The following GDAP1 variants were observed in gnomAD, a reference collection of about 807,000 sequenced individuals.
The protein encoded by GDAP1 is ganglioside-induced differentiation-associated protein 1.
GDAP1 carries 34 observed loss-of-function variants against 40.1 expected under a neutral mutation model. That is an observed-to-expected ratio of 0.85 (90% CI 0.64 to 1.13). GDAP1 has a LOEUF of 1.13. Among genes scored for constraint, GDAP1 ranks in the 50% most tolerant of loss-of-function variants. GDAP1 has a pLI of 0.00. For synonymous variants in GDAP1, 170 were observed against 157.4 expected, an observed-to-expected ratio of 1.08 and a Z score of -0.60; for missense variants, 374 against 433.7, an observed-to-expected ratio of 0.86 and a Z score of 1.22.
At chr8:74,433,036 A>C (rs1036452198) in intron 2 of GDAP1, among the ~76,000 whole-genome samples, 1 of 152,018 alleles carries the variant, frequency 6.6e-6, no homozygotes, top group Non-Finnish European at 1.5e-5. Flanking sequence ...TCTTCAGTAA[A>C]CTCAGCTTTC....
intron 2 of GDAP1, among the ~76,000 whole-genome samples, chr8:74,461,612 T>C (rs559346268): frequency 1.6e-4 from 24 of 152,194 alleles, no homozygotes; most frequent in Non-Finnish European, 3.2e-4. Flanking sequence ...TTTGGCATCA[T>C]CCAGACTAAA....
chr8:74,487,663 A>G (rs1563482869), intron 2 of GDAP1, among the ~76,000 whole-genome samples: 1 of 152,166 alleles, frequency 6.6e-6, no homozygotes, highest in Non-Finnish European at 1.5e-5. Flanking sequence ...CTGGAAAGTA[A>G]TGTAGATATG....
chr8:74,475,485 T>G (rs1054289739), intron 2 of GDAP1, among the ~76,000 whole-genome samples: 24 of 152,198 alleles, frequency 1.6e-4, no homozygotes, highest in Non-Finnish European at 1.5e-5. Flanking sequence ...ATATTGTATC[T>G]TTGTTCTCAT....
chr8:74,382,580 C>T (rs1809971060), intron 2 of GDAP1, among the ~76,000 whole-genome samples: 2 of 152,166 alleles, frequency 1.3e-5, no homozygotes, highest in South Asian at 2.1e-4. Context: ...CTGAATTTAT[C>T]ATCCTTTTTT....
At chr8:74,406,801 C>G (rs190278118) in intron 2 of GDAP1, among the ~76,000 whole-genome samples, 6 of 149,780 alleles carry the variant, frequency 4.0e-5, no homozygotes, top group Admixed American at 3.3e-4. Flanking sequence ...AATAATTGTT[C>G]AGGCTGGTAC....
intron 2 of GDAP1, among the ~76,000 whole-genome samples, chr8:74,431,940 A>G (rs986948420): frequency 6.6e-6 from 1 of 152,306 alleles, no homozygotes; most frequent in East Asian, 1.9e-4. Flanking sequence ...TCATAGTATT[A>G]TTACCTCATA....
chr8:74,463,709 T>C (rs947216516), intron 2 of GDAP1, among the ~76,000 whole-genome samples: 1 of 152,184 alleles, frequency 6.6e-6, no homozygotes, highest in South Asian at 2.1e-4. Context: ...AAGTAAGACA[T>C]AGGTAGAGAA....
rs1196813598 is a variant in GDAP1 at position 74,364,491 on chromosome 8, A to G, written c.*124A>G. The G allele has an allele frequency of 5.9e-6, 6 of 1,019,050 alleles. No individual in the cohort carries two copies. The highest frequency in any genetic ancestry group is 4.7e-5 in the African/African-American group (3 of 63,720). The allele number at this position is 1,019,050 out of a possible 1,614,324, so 63.1% of individuals were successfully genotyped here. A position where few individuals can be genotyped will look rare whatever the true frequency, so the allele number is the denominator to read the frequency against. ...TATTTTTTCCTAAAATTCAGAAGTCATCTTTGTTACACAACACAGGGGTTC... is the reference window on the plus strand; with the variant it reads ...TATTTTTTCCTAAAATTCAGAAGTCGTCTTTGTTACACAACACAGGGGTTC... On this transcript the variant is annotated 3_prime_UTR_variant, in exon 6 of 6. Transcript: ENST00000220822.
intron 2 of GDAP1, among the ~76,000 whole-genome samples, chr8:74,466,322 TGG>T (rs1806469185): frequency 6.6e-6 from 1 of 152,166 alleles, no homozygotes; most frequent in African/African-American, 2.4e-5. Flanking sequence ...ACCATAGCTT[TGG>T]AGGGTTTTAG....
At chr8:74,351,552 C>T in intron 2 of GDAP1, 86 bp downstream of exon 2, 1 of 997,884 alleles carries the variant, frequency 1.0e-6, no homozygotes, top group South Asian at 1.3e-5. Flanking sequence ...TCTCCTCTCT[C>T]TCTTTCTCTT....
At chr8:74,420,170 G>GA (rs1330653797) in intron 2 of GDAP1, among the ~76,000 whole-genome samples, 2 of 152,058 alleles carry the variant, frequency 1.3e-5, no homozygotes, top group Non-Finnish European at 2.9e-5. Flanking sequence ...TTGAAGACTG[G>GA]CTTTTTTATT....
chr8:74,475,529 T>C (rs905287163), intron 2 of GDAP1, among the ~76,000 whole-genome samples: 3 of 152,228 alleles, frequency 2.0e-5, no homozygotes, highest in African/African-American at 7.2e-5. Context: ...CCTGCCTTAA[T>C]CTCATTATTT....
intron 2 of GDAP1, among the ~76,000 whole-genome samples, chr8:74,429,567 T>C (rs779866137): frequency 1.4e-4 from 21 of 152,204 alleles, no homozygotes; most frequent in Non-Finnish European, 2.9e-4. Flanking sequence ...TGGTTTGTGA[T>C]GGCCATCTTC....
chr8:74,415,698 G>A (rs1586827739), intron 2 of GDAP1, among the ~76,000 whole-genome samples: 1 of 149,896 alleles, frequency 6.7e-6, no homozygotes, highest in African/African-American at 2.5e-5. Flanking sequence ...GAAACATAGG[G>A]GTGTGCTCTG....
intron 2 of GDAP1, among the ~76,000 whole-genome samples, chr8:74,463,855 A>G (rs909655548): frequency 1.3e-5 from 2 of 152,242 alleles, no homozygotes; most frequent in African/African-American, 2.4e-5. Context: ...AGTTGGCTGT[A>G]TATAAGCACA....
At chr8:74,390,354 G>C (rs143755627) in intron 2 of GDAP1, among the ~76,000 whole-genome samples, 9 of 152,082 alleles carry the variant, frequency 5.9e-5, no homozygotes, top group Non-Finnish European at 2.9e-5. Flanking sequence ...GGTGGCCTTC[G>C]TATGGGGTTT....
chr8:74,479,813 T>C (rs1223774541), intron 2 of GDAP1, among the ~76,000 whole-genome samples: 2 of 152,160 alleles, frequency 1.3e-5, no homozygotes, highest in Non-Finnish European at 2.9e-5. Flanking sequence ...CTGGGGTTTT[T>C]ATATGGCAGG....
At chr8:74,395,170 G>A (rs1191223917) in intron 2 of GDAP1, among the ~76,000 whole-genome samples, 2 of 152,160 alleles carry the variant, frequency 1.3e-5, no homozygotes, top group Admixed American at 6.5e-5. Flanking sequence ...TTTTATAGAA[G>A]ATAAACCTGG....
At chr8:74,476,791 G>A (rs189179557) in intron 2 of GDAP1, among the ~76,000 whole-genome samples, 1 of 152,230 alleles carries the variant, frequency 6.6e-6, no homozygotes. Flanking sequence ...AGTATTTTGT[G>A]AGGGTTCTCT....
Sources: gnomAD v4.1 joint callset for allele counts (sites outside exome capture counted in the v4.1 genomes callset) on GRCh38, gnomAD v4.1.1 for gene constraint, MANE v1.5 for transcripts, NCBI Gene and HGNC (gene_info 2026-07-23, HGNC 2026-07-21) for gene names.